PDCD6: variants seen among roughly 807,000 people sequenced by gnomAD.
PDCD6 encodes the protein programmed cell death 6.
Under a neutral mutation model 28.3 loss-of-function variants are expected in PDCD6, and 12 were observed. That is an observed-to-expected ratio of 0.42 (90% CI 0.27 to 0.69). PDCD6 has a LOEUF of 0.69. PDCD6 is among the 30% of genes least tolerant of loss of function. The probability of loss-of-function intolerance (pLI) is 0.22; values close to 1 mark genes in which losing one functional copy is unlikely to be tolerated. For synonymous variants in PDCD6, 92 were observed against 108.0 expected, an observed-to-expected ratio of 0.85 and a Z score of 0.92; for missense variants, 226 against 269.9, an observed-to-expected ratio of 0.84 and a Z score of 1.14.
At chr5:303,156 G>T (rs1740216636) in intron 2 of PDCD6, among the ~76,000 whole-genome samples, 1 of 152,094 alleles carries the variant, frequency 6.6e-6, no homozygotes, top group South Asian at 2.1e-4. Context: ...AGCCCCATGA[G>T]CCCAGAGTGG....
At chr5:302,070 C>CTGTGTGTGTGTGTG (rs369323059) in intron 2 of PDCD6, among the ~76,000 whole-genome samples, 1,980 of 57,612 alleles carry the variant, frequency 0.034, 218 homozygotes, top group Middle Eastern at 0.071. Flanking sequence ...GAGTGCTGCT[C>CTGTGTGTGTGTGTG]TGTGTGTGTG....
chr5:306,557 G>T (rs367639756), intron 3 of PDCD6, 45 bp from the exon 4 acceptor site: 8 of 1,604,958 alleles, frequency 5.0e-6, no homozygotes, highest in Non-Finnish European at 6.8e-6. Context: ...AAGTGAGTTT[G>T]CTGCAACTGA....
chr5:293,279 C>T (rs1490823359), intron 2 of PDCD6, among the ~76,000 whole-genome samples: 8 of 151,724 alleles, frequency 5.3e-5, no homozygotes, highest in Non-Finnish European at 1.0e-4. Flanking sequence ...CAAACACCCA[C>T]GATACTGTCA....
chr5:294,623 G>A (rs996540205), intron 2 of PDCD6, among the ~76,000 whole-genome samples: 4 of 152,254 alleles, frequency 2.6e-5, no homozygotes, highest in Admixed American at 1.3e-4. Context: ...CGCCATGCTG[G>A]AAAGTGGTCC....
Position 271,658 on chromosome 5 carries a change from G to A in PDCD6, c.-63G>A, listed in dbSNP as rs1275477963. ...CCCTGCCCCCGGCAGAGGCGGAAGC[G>A]GAGTCGGCCTGAGAGGTCTCTCGTC... On this transcript the variant is annotated 5_prime_UTR_variant, in exon 1 of 6. Transcript: ENST00000264933. 4.3e-6 allele frequency: 4 copies of A among 933,792 alleles called. No homozygotes were observed. Among genetic ancestry groups the A allele is most frequent in the Non-Finnish European group, 6.7e-6 (4 of 600,454 alleles). The allele number at this position is 933,792 out of a possible 1,614,324, so 57.8% of individuals were successfully genotyped here. A position where few individuals can be genotyped will look rare whatever the true frequency, so the allele number is the denominator to read the frequency against.
At chr5:297,971 A>T (rs1739725909) in intron 2 of PDCD6, among the ~76,000 whole-genome samples, 1 of 152,228 alleles carries the variant, frequency 6.6e-6, no homozygotes, top group Non-Finnish European at 1.5e-5. Context: ...GAATCTAACA[A>T]ATGACAAATT....
chr5:312,230 C>T (rs1212968735), intron 5 of PDCD6: 1 of 152,196 alleles, frequency 6.6e-6, no homozygotes, highest in African/African-American at 2.4e-5. Flanking sequence ...CTCTTTGAGA[C>T]CCACGGGAGA....
Position 289,963 on chromosome 5 carries a change from A to C in PDCD6, c.164-14214A>C, listed in dbSNP as rs143242922. 3,464 of 1,591,488 alleles carry C rather than the reference A, an allele frequency of 2.2e-3. 51 individuals are homozygous for C. The African/African-American group carries it at 0.039, about 18-fold the overall frequency. On this transcript the variant is annotated intron_variant, in intron 2 of 5. Transcript: ENST00000264933. ...CACATCCTTTTCTACTCCTCTGAGAAATTTGTCTGTTCCTGTATAGTTTCT... is the reference window on the plus strand; with the variant it reads ...CACATCCTTTTCTACTCCTCTGAGACATTTGTCTGTTCCTGTATAGTTTCT...
chr5:313,505 C>T (rs1464812048), intron 5 of PDCD6, among the ~76,000 whole-genome samples: 1 of 152,080 alleles, frequency 6.6e-6, no homozygotes, highest in Admixed American at 6.5e-5. Context: ...CTCTTGTCAC[C>T]CCAGCTGGAA....
intron 2 of PDCD6, among the ~76,000 whole-genome samples, chr5:273,691 G>T (rs927724539): frequency 2.2e-5 from 3 of 137,206 alleles, no homozygotes; most frequent in Admixed American, 7.0e-5. Flanking sequence ...TGCGCTGTGG[G>T]TGGGGGGGTG....
At chr5:282,282 G>T in intron 2 of PDCD6, among the ~76,000 whole-genome samples, 1 of 131,202 alleles carries the variant, frequency 7.6e-6, no homozygotes, top group East Asian at 2.7e-4. Context: ...CGGGGGGGGG[G>T]GAGCTGATGT....
At position 307,468 on chromosome 5, in the gene PDCD6, C is replaced by T. The variant is rs553740584; in HGVS notation, c.367+708C>T. 4.6e-5 allele frequency among the ~76,000 whole-genome samples: 7 copies of T among 152,280 alleles called. No homozygotes were observed. Among genetic ancestry groups the T allele is most frequent in the Admixed American group, 6.5e-5 (1 of 15,300 alleles). On this transcript the variant is annotated intron_variant, in intron 4 of 5. Transcript: ENST00000264933. The surrounding 1 kb of genome is among the most constrained non-coding windows in gnomAD (Gnocchi z 6.1). Reference sequence around the variant, plus strand: ...GACGCGTGTGCACACACACATGTGACGGTGTGCCGTGGGTCTAGGAGTGTT... The same window carrying T: ...GACGCGTGTGCACACACACATGTGATGGTGTGCCGTGGGTCTAGGAGTGTT...
chr5:306,979 T>C (rs1156543765), intron 4 of PDCD6, among the ~76,000 whole-genome samples: 1 of 152,236 alleles, frequency 6.6e-6, no homozygotes, highest in Non-Finnish European at 1.5e-5. Flanking sequence ...AGATAAGGGC[T>C]ATGCAAGCCG....
Position 299,762 on chromosome 5 carries a change from G to A in PDCD6, c.164-4415G>A, listed in dbSNP as rs1038008084. ...GATGGGGTTTCACCATATTAGCCAG[G>A]ATGGTCTCGATCTCCTCACCTGGTG... is the stretch of plus-strand genomic sequence containing the variant. On this transcript the variant is annotated intron_variant, in intron 2 of 5. Transcript: ENST00000264933. 3.3e-5 allele frequency among the ~76,000 whole-genome samples: 5 copies of A among 152,248 alleles called. No individual in the cohort carries two copies. The East Asian group carries it at 5.8e-4, about 18-fold the overall frequency.
At chr5:278,991 A>G (rs1738393089) in intron 2 of PDCD6, among the ~76,000 whole-genome samples, 1 of 151,982 alleles carries the variant, frequency 6.6e-6, no homozygotes, top group African/African-American at 2.4e-5. Context: ...GTTTCGCGCC[A>G]AGCTAATATC....
In PDCD6 at chr5:274,742, C is replaced by T. The variant is rs1368050725; in HGVS notation, c.163+1970C>T. ...TGTTTGGGGGTGGGGGAGACACCTCCTGCTCTGACTTGTGTGTTTGGGTTC... is the reference window on the plus strand; with the variant it reads ...TGTTTGGGGGTGGGGGAGACACCTCTTGCTCTGACTTGTGTGTTTGGGTTC... On this transcript the variant is annotated intron_variant, in intron 2 of 5. Coordinates refer to ENST00000264933, the MANE Select transcript of PDCD6 (RefSeq NM_013232.4). 2.6e-5 allele frequency among the ~76,000 whole-genome samples: 4 copies of T among 152,190 alleles called. No homozygotes were observed. In the East Asian group the frequency reaches 7.7e-4, roughly 29 times the overall value.
chr5:288,476 C>T (rs1324251620), intron 2 of PDCD6, among the ~76,000 whole-genome samples: 9 of 151,290 alleles, frequency 5.9e-5, no homozygotes, highest in Non-Finnish European at 1.0e-4. Context: ...AACCTTCTTT[C>T]ATATGTATAA....
intron 2 of PDCD6, among the ~76,000 whole-genome samples, chr5:290,828 T>C (rs1739269744): frequency 6.6e-6 from 1 of 152,236 alleles, no homozygotes; most frequent in African/African-American, 2.4e-5. Flanking sequence ...ACCAGGCCCT[T>C]GATCACAAGC....
At chr5:275,474 GA>G (rs1423763199) in intron 2 of PDCD6, among the ~76,000 whole-genome samples, 3 of 152,242 alleles carry the variant, frequency 2.0e-5, no homozygotes, top group Admixed American at 6.5e-5. Flanking sequence ...ACGTTTACCT[GA>G]TGACATTTTC....
Sources: allele counts gnomAD v4.1 joint callset (sites outside exome capture counted in the v4.1 genomes callset), GRCh38; gene constraint gnomAD v4.1.1; non-coding constraint Gnocchi (gnomAD v3.1); transcripts MANE v1.5; gene names NCBI Gene and HGNC (gene_info 2026-07-23, HGNC 2026-07-21).